CACNA2D1: variants seen among roughly 807,000 people sequenced by gnomAD.
CACNA2D1 encodes the protein calcium voltage-gated channel auxiliary subunit alpha2delta 1.
In CACNA2D1, 53 loss-of-function variants were observed where a neutral mutation model predicts 171.5. The observed-to-expected ratio is 0.31, with a 90% CI of 0.25 to 0.39. CACNA2D1 has a LOEUF of 0.39. Among genes scored for constraint, CACNA2D1 ranks in the 10% least tolerant of loss-of-function variants. The pLI, the probability that CACNA2D1 is intolerant of heterozygous loss-of-function variation, is 1.00. For synonymous variants in CACNA2D1, 442 were observed against 443.1 expected, an observed-to-expected ratio of 1.00 and a Z score of 0.03; for missense variants, 903 against 1,299.8, an observed-to-expected ratio of 0.69 and a Z score of 4.69.
chr7:82,433,602 C>T (rs1464045247), intron 1 of CACNA2D1, among the ~76,000 whole-genome samples: 3 of 152,184 alleles, frequency 2.0e-5, no homozygotes, highest in East Asian at 3.9e-4. Flanking sequence ...CCCTTCCTCA[C>T]CTGCCTCTAT....
At chr7:82,100,608 A>T (rs2129034882) in intron 6 of CACNA2D1, among the ~76,000 whole-genome samples, 1 of 152,278 alleles carries the variant, frequency 6.6e-6, no homozygotes, top group South Asian at 2.1e-4. Context: ...AGCTTAAGAA[A>T]CTTTTATCTG....
intron 24 of CACNA2D1, among the ~76,000 whole-genome samples, chr7:81,978,750 AGTG>A (rs1796113883): frequency 1.3e-5 from 1 of 76,912 alleles, no homozygotes; most frequent in African/African-American, 3.9e-5. Context: ...TTTTTTAAAA[AGTG>A]TATATATATA....
chr7:82,401,484 C>A (rs1178121297), intron 1 of CACNA2D1, among the ~76,000 whole-genome samples: 1 of 148,254 alleles, frequency 6.7e-6, no homozygotes, highest in South Asian at 2.2e-4. Context: ...CATATTCTCA[C>A]TCATAGGTGG....
chr7:81,967,882 A>T (rs1324272195), intron 29 of CACNA2D1, among the ~76,000 whole-genome samples: 1 of 151,502 alleles, frequency 6.6e-6, no homozygotes, highest in Non-Finnish European at 1.5e-5. Flanking sequence ...TGACCAATTA[A>T]CTAATACAAT....
intron 4 of CACNA2D1, among the ~76,000 whole-genome samples, chr7:82,157,562 C>T (rs1794491893): frequency 6.6e-6 from 1 of 152,014 alleles, no homozygotes; most frequent in African/African-American, 2.4e-5. Flanking sequence ...TGGGAAGCCT[C>T]AGGATCAACA....
At chr7:82,230,241 C>T (rs564747426) in intron 3 of CACNA2D1, among the ~76,000 whole-genome samples, 22 of 152,290 alleles carry the variant, frequency 1.4e-4, no homozygotes, top group Middle Eastern at 6.8e-3. Context: ...GTAGATTGGC[C>T]TGCTTTATAT....
At chr7:82,113,706 C>T (rs1193993002) in intron 6 of CACNA2D1, among the ~76,000 whole-genome samples, 2 of 152,080 alleles carry the variant, frequency 1.3e-5, no homozygotes, top group Non-Finnish European at 2.9e-5. Context: ...ACTCAGAAGC[C>T]GAGAACAATC....
At chr7:82,097,101 G>C (rs1318445681) in intron 6 of CACNA2D1, among the ~76,000 whole-genome samples, 3 of 152,104 alleles carry the variant, frequency 2.0e-5, no homozygotes, top group Non-Finnish European at 4.4e-5. Context: ...GTAGTAGAAG[G>C]ACCGCATGCC....
At position 82,136,671 on chromosome 7, in the gene CACNA2D1, A is replaced by T; in HGVS notation, c.360T>A (p.Asn120Lys). 1 of 1,580,680 alleles carries T rather than the reference A, an allele frequency of 6.3e-7. No individual in the cohort carries two copies. The highest frequency in any genetic ancestry group is 8.6e-7 in the Non-Finnish European group (1 of 1,160,528). Residue 120 changes from asparagine to lysine, a missense_variant, in exon 5 of 39, where the codon AAT (asparagine) becomes AAA (lysine). Coordinates refer to ENST00000356860, the MANE Select transcript of CACNA2D1 (RefSeq NM_000722.4). The part of the protein sequence containing the change: ...AHQWREDFAS[N>K]EVVYYNAKDD... ...CCTTTGCATTGTAGTAGACAACTTCATTGCTCTACAAAAAAAAAAGAACGC... is the reference window on the plus strand; with the variant it reads ...CCTTTGCATTGTAGTAGACAACTTCTTTGCTCTACAAAAAAAAAAGAACGC...
intron 3 of CACNA2D1, among the ~76,000 whole-genome samples, chr7:82,252,394 G>A (rs1805751340): frequency 1.3e-5 from 2 of 152,076 alleles, no homozygotes; most frequent in African/African-American, 4.8e-5. Context: ...AGGCCTGTCT[G>A]GCCTTATCAC....
chr7:81,980,108 T>C (rs956775479), intron 24 of CACNA2D1, among the ~76,000 whole-genome samples: 1 of 139,584 alleles, frequency 7.2e-6, no homozygotes, highest in South Asian at 2.2e-4. Context: ...TATGTATGTA[T>C]GTGTGTGTAG....
At chr7:82,092,284 G>A (rs1811262371) in intron 6 of CACNA2D1, among the ~76,000 whole-genome samples, 1 of 152,008 alleles carries the variant, frequency 6.6e-6, no homozygotes, top group Non-Finnish European at 1.5e-5. Context: ...TTCAAATTTA[G>A]GAACATTATG....
intron 1 of CACNA2D1, among the ~76,000 whole-genome samples, chr7:82,379,242 C>A (rs558685656): frequency 2.6e-5 from 4 of 152,206 alleles, no homozygotes; most frequent in East Asian, 1.9e-4. Context: ...TTGTCTGATG[C>A]AACTCCATAT....
intron 3 of CACNA2D1, among the ~76,000 whole-genome samples, chr7:82,174,622 T>C (rs1392509096): frequency 6.6e-6 from 1 of 152,170 alleles, no homozygotes; most frequent in East Asian, 1.9e-4. Context: ...AGAGTATATA[T>C]GAAGACAGAG....
At chr7:82,335,084 AATAG>A in intron 3 of CACNA2D1, 47 bp downstream of exon 3, 1 of 1,160,584 alleles carries the variant, frequency 8.6e-7, no homozygotes. Flanking sequence ...AAAATTAAAT[AATAG>A]ATAAGTAAGG....
intron 4 of CACNA2D1, among the ~76,000 whole-genome samples, chr7:82,169,844 AT>A (rs1795834427): frequency 8.6e-6 from 1 of 116,028 alleles, no homozygotes; most frequent in Non-Finnish European, 2.1e-5. Context: ...CTTTCTGATT[AT>A]TAAGGAATTT....
In CACNA2D1 at chr7:82,438,574, C is replaced by T. The variant is rs180717939; in HGVS notation, c.95+4791G>A. On this transcript the variant is annotated intron_variant, in intron 1 of 38. Coordinates refer to ENST00000356860, the MANE Select transcript of CACNA2D1 (RefSeq NM_000722.4). ...TCGTTTACATGTTTCAGTGCACATA[C>T]AAAAAAATGAATCCTGTGTAAGCTA... Among the ~76,000 whole-genome samples, 4 of 152,134 alleles carry T rather than the reference C, an allele frequency of 2.6e-5. No individual in the cohort carries two copies. The East Asian group carries it at 7.7e-4, about 29-fold the overall frequency.
intron 15 of CACNA2D1, among the ~76,000 whole-genome samples, chr7:82,008,715 C>G (rs1187662939): frequency 6.6e-6 from 1 of 152,034 alleles, no homozygotes; most frequent in Non-Finnish European, 1.5e-5. Flanking sequence ...GAACTCAGAA[C>G]AGAGTTCTGG....
At chr7:82,227,723 T>C (rs1481637938) in intron 3 of CACNA2D1, among the ~76,000 whole-genome samples, 1 of 152,206 alleles carries the variant, frequency 6.6e-6, no homozygotes, top group Non-Finnish European at 1.5e-5. Flanking sequence ...AAGCCAGAGA[T>C]TTTGCAATTT....
Sources: allele counts gnomAD v4.1 joint callset (sites outside exome capture counted in the v4.1 genomes callset), GRCh38; gene constraint gnomAD v4.1.1; transcripts MANE v1.5; gene names NCBI Gene and HGNC (gene_info 2026-07-23, HGNC 2026-07-21).